The following ADGRB3 variants were observed in gnomAD, a reference collection of about 807,000 sequenced individuals.
The protein encoded by ADGRB3 is adhesion G protein-coupled receptor B3.
In ADGRB3, 37 loss-of-function variants were observed where a neutral mutation model predicts 193.4. That is an observed-to-expected ratio of 0.19 (90% CI 0.15 to 0.25). ADGRB3 has a LOEUF of 0.25. Among genes scored for constraint, ADGRB3 ranks in the 10% least tolerant of loss-of-function variants. The pLI, the probability that ADGRB3 is intolerant of heterozygous loss-of-function variation, is 1.00. For synonymous variants in ADGRB3, 690 were observed against 644.2 expected (o/e 1.07, Z -1.08); for missense variants, 1,637 against 1,852.9 (o/e 0.88, Z 2.14).
chr6:69,000,559 C>T (rs1000586326), intron 11 of ADGRB3, among the ~76,000 whole-genome samples: 20 of 152,168 alleles, frequency 1.3e-4, no homozygotes, highest in Non-Finnish European at 2.1e-4. Flanking sequence ...CAGCACCATT[C>T]TGGGCTCATT....
intron 17 of ADGRB3, among the ~76,000 whole-genome samples, chr6:69,146,480 C>A (rs564370541): frequency 6.6e-4 from 100 of 152,362 alleles, no homozygotes; most frequent in South Asian, 5.8e-3. Flanking sequence ...GAGGGTGGGG[C>A]TCCTGCCTGC....
chr6:68,655,650 C>A (rs1444687174), intron 3 of ADGRB3, among the ~76,000 whole-genome samples: 4 of 151,612 alleles, frequency 2.6e-5, no homozygotes, highest in Non-Finnish European at 4.4e-5. Flanking sequence ...GAAAAAATTT[C>A]TAAGTTAAGA....
At chr6:68,649,904 C>T (rs1768309991) in intron 3 of ADGRB3, among the ~76,000 whole-genome samples, 1 of 152,156 alleles carries the variant, frequency 6.6e-6, no homozygotes, top group African/African-American at 2.4e-5. Context: ...TGACCACGCG[C>T]CTTACTCCTT....
intron 20 of ADGRB3, among the ~76,000 whole-genome samples, chr6:69,321,542 C>T (rs1478626612): frequency 2.6e-5 from 4 of 151,648 alleles, no homozygotes; most frequent in African/African-American, 9.7e-5. Context: ...ATATGAACCT[C>T]GTCATGGAAA....
At chr6:69,199,108 G>A (rs944856826) in intron 17 of ADGRB3, among the ~76,000 whole-genome samples, 1 of 152,092 alleles carries the variant, frequency 6.6e-6, no homozygotes, top group Non-Finnish European at 1.5e-5. Context: ...TATGGGTGTG[G>A]CAGTAAATAT....
At chr6:68,822,769 A>G (rs998781403) in intron 3 of ADGRB3, among the ~76,000 whole-genome samples, 2 of 151,996 alleles carry the variant, frequency 1.3e-5, no homozygotes, top group Non-Finnish European at 2.9e-5. Context: ...TCGTCATTCA[A>G]AAATTTTATG....
intron 20 of ADGRB3, among the ~76,000 whole-genome samples, chr6:69,267,920 T>C (rs1201903127): frequency 6.6e-6 from 1 of 152,150 alleles, no homozygotes; most frequent in Non-Finnish European, 1.5e-5. Flanking sequence ...GCTCTGATCA[T>C]GACACCTAGC....
chr6:69,068,712 T>C (rs1771983202), intron 16 of ADGRB3, among the ~76,000 whole-genome samples: 1 of 152,210 alleles, frequency 6.6e-6, no homozygotes, highest in African/African-American at 2.4e-5. Context: ...AAGCAAGCTG[T>C]CATCACATCT....
At chr6:69,064,090 G>C (rs189528726) in intron 16 of ADGRB3, among the ~76,000 whole-genome samples, 1 of 151,728 alleles carries the variant, frequency 6.6e-6, no homozygotes, top group Admixed American at 6.6e-5. Flanking sequence ...TAAAATTTGT[G>C]TATTTTCTAC....
chr6:69,032,510 A>G (rs531406017), intron 13 of ADGRB3, among the ~76,000 whole-genome samples: 2 of 152,342 alleles, frequency 1.3e-5, no homozygotes, highest in East Asian at 3.9e-4. Flanking sequence ...CTCTATGGAA[A>G]TAGTGGTCTG....
intron 20 of ADGRB3, among the ~76,000 whole-genome samples, chr6:69,239,537 C>G (rs1166286873): frequency 6.6e-6 from 1 of 151,924 alleles, no homozygotes; most frequent in Non-Finnish European, 1.5e-5. Context: ...ATTCATTAGT[C>G]TAATTGTAAG....
intron 3 of ADGRB3, among the ~76,000 whole-genome samples, chr6:68,722,144 C>T (rs1039039571): frequency 6.6e-6 from 1 of 151,772 alleles, no homozygotes; most frequent in African/African-American, 2.4e-5. Flanking sequence ...TTCCAAGCCA[C>T]CCATATGAAT....
rs1768613321 is a variant in ADGRB3 at position 69,327,886 on chromosome 6, A to G, written c.3032A>G (p.His1011Arg). 6.2e-7 allele frequency: 1 copy of G among 1,605,148 alleles called. No homozygotes were observed. The highest frequency in any genetic ancestry group is 8.5e-7 in the Non-Finnish European group (1 of 1,173,110). The change falls in exon 22 of 32, where the codon CAC becomes CGC. Residue 1011 changes from histidine (H) to arginine (R), a missense_variant. Physicochemically the swap from His to Arg is conservative, Grantham distance 29. Transcript: ENST00000370598. The part of the protein sequence containing the change: ...FTRTKGYGTD[H>R]YCWLSLEGGL... ...AGAACAAAAGGATATGGCACTGATCACTAGTAAGTCCATCCACAGAGATAA... is the reference window on the plus strand; with the variant it reads ...AGAACAAAAGGATATGGCACTGATCGCTAGTAAGTCCATCCACAGAGATAA...
chr6:69,145,507 T>C (rs1351480496), intron 17 of ADGRB3, among the ~76,000 whole-genome samples: 5 of 152,156 alleles, frequency 3.3e-5, no homozygotes, highest in African/African-American at 9.6e-5. Context: ...CTCCTTTTCA[T>C]TGCCTGCAAT....
intron 20 of ADGRB3, among the ~76,000 whole-genome samples, chr6:69,248,968 A>T (rs1302491139): frequency 6.6e-6 from 1 of 152,046 alleles, no homozygotes; most frequent in African/African-American, 2.4e-5. Context: ...AACACTTTGA[A>T]TTTCTTCTTC....
Position 68,924,360 on chromosome 6 carries a change from C to T in ADGRB3, c.758-6199C>T, listed in dbSNP as rs577113117. Among the ~76,000 whole-genome samples the T allele has an allele frequency of 1.9e-4, 29 of 152,058 alleles. No individual in the cohort carries two copies. In the East Asian group the frequency reaches 2.9e-3, roughly 15 times the overall value. The stretch of plus-strand genomic sequence containing the variant: ...GTTTATCCTCTGAATTTCCTGGAAA[C>T]ATTCTCATAAAATATTTCATTACAT... On this transcript the variant is annotated intron_variant, in intron 3 of 31. Coordinates refer to ENST00000370598, the MANE Select transcript of ADGRB3 (RefSeq NM_001704.3).
intron 3 of ADGRB3, among the ~76,000 whole-genome samples, chr6:68,765,463 A>G (rs1184609192): frequency 6.6e-6 from 1 of 151,558 alleles, no homozygotes; most frequent in Non-Finnish European, 1.5e-5. Context: ...TATGTGATGA[A>G]ATTACATTGG....
chr6:68,992,512 A>T (rs1769266123), intron 10 of ADGRB3, among the ~76,000 whole-genome samples: 1 of 152,186 alleles, frequency 6.6e-6, no homozygotes. Context: ...TAAAAGCCAG[A>T]TTACTGATGC....
At chr6:69,032,086 T>G (rs538397668) in intron 13 of ADGRB3, among the ~76,000 whole-genome samples, 1 of 152,186 alleles carries the variant, frequency 6.6e-6, no homozygotes, top group South Asian at 2.1e-4. Flanking sequence ...CTAGGAAAAT[T>G]TTCTTAAAAA....
Sources: allele counts gnomAD v4.1 joint callset (sites outside exome capture counted in the v4.1 genomes callset), GRCh38; gene constraint gnomAD v4.1.1; transcripts MANE v1.5; gene names NCBI Gene and HGNC (gene_info 2026-07-23, HGNC 2026-07-21).